CCDC171: variants seen among roughly 807,000 people sequenced by gnomAD.
CCDC171 encodes the protein coiled-coil domain containing 171.
In CCDC171, 177 loss-of-function variants were observed where a neutral mutation model predicts 168.2. That is an observed-to-expected ratio of 1.05 (90% confidence interval 0.93 to 1.19). CCDC171 has a LOEUF of 1.19. Ranked by LOEUF, CCDC171 falls within the 50% of genes most tolerant of loss-of-function variation. The probability of loss-of-function intolerance (pLI) is 0.00; values close to 1 mark genes in which losing one functional copy is unlikely to be tolerated. For synonymous variants in CCDC171, 687 were observed against 540.8 expected, an observed-to-expected ratio of 1.27 and a Z score of -3.75; for missense variants, 1,991 against 1,539.0, an observed-to-expected ratio of 1.29 and a Z score of -4.91.
chr9:16,047,741 C>A (rs1833683513), intron 1 of CCDC171, among the ~76,000 whole-genome samples: 1 of 152,240 alleles, frequency 6.6e-6, no homozygotes, highest in African/African-American at 2.4e-5. Context: ...TCAACGTCTG[C>A]TTCCTCAATT....
chr9:15,978,240 T>G (rs1309454441), downstream of CCDC171, among the ~76,000 whole-genome samples: 1 of 152,196 alleles, frequency 6.6e-6, no homozygotes, highest in East Asian at 1.9e-4. Flanking sequence ...GGAGTATTAG[T>G]CTAAATATGT....
At chr9:15,828,665 G>A (rs1288253239) in intron 21 of CCDC171, among the ~76,000 whole-genome samples, 1 of 152,102 alleles carries the variant, frequency 6.6e-6, no homozygotes, top group African/African-American at 2.4e-5. Context: ...ACAGAAGCCT[G>A]CATATTATGT....
At chr9:15,619,684 A>G (rs2044357095) in intron 6 of CCDC171, among the ~76,000 whole-genome samples, 1 of 152,210 alleles carries the variant, frequency 6.6e-6, no homozygotes. Context: ...AGCTAAAATA[A>G]TCGATGAAGG....
intron 21 of CCDC171, among the ~76,000 whole-genome samples, chr9:15,803,736 C>G (rs148806828): frequency 2.3e-4 from 31 of 133,378 alleles, no homozygotes; most frequent in African/African-American, 8.7e-4. Context: ...TTAGGACTGC[C>G]TAGGCTATTT....
At chr9:15,572,215 A>C (rs2040284812) in intron 3 of CCDC171, among the ~76,000 whole-genome samples, 1 of 152,138 alleles carries the variant, frequency 6.6e-6, no homozygotes, top group Admixed American at 6.5e-5. Context: ...GTGTGTATAT[A>C]TATTTCATAT....
chr9:15,779,868 A>G (rs368919346), intron 20 of CCDC171, among the ~76,000 whole-genome samples: 4 of 152,262 alleles, frequency 2.6e-5, no homozygotes, highest in East Asian at 1.9e-4. Flanking sequence ...GAAGCACAAT[A>G]TAATGCAGAC....
At chr9:16,096,179 G>C in the CCDC171 span, among the ~76,000 whole-genome samples, 1 of 152,056 alleles carries the variant, frequency 6.6e-6, no homozygotes, top group African/African-American at 2.4e-5. Flanking sequence ...TATTAAATGA[G>C]AACATTGATT....
rs140674481 is a variant in CCDC171, at chr9:15,588,868, C to T, written c.353-2498C>T. On this transcript the variant is annotated intron_variant, in intron 4 of 25. Coordinates refer to ENST00000380701, the MANE Select transcript of CCDC171 (RefSeq NM_173550.4). The stretch of plus-strand genomic sequence containing the variant: ...GACTACAGGTGCCCGCCACCACGCC[C>T]GGCTAATTTTTTGTATTTGTTTTGG... 1.6e-3 allele frequency among the ~76,000 whole-genome samples: 248 copies of T among 151,840 alleles called. 1 individual carries two copies. Among genetic ancestry groups the T allele is most frequent in the African/African-American group, 4.9e-3 (204 of 41,324 alleles).
intron 6 of CCDC171, 84 bp downstream of exon 6, chr9:15,594,256 G>A (rs188467004): frequency 1.9e-5 from 14 of 750,820 alleles, no homozygotes; most frequent in East Asian, 9.4e-5. Context: ...TAACTGACTC[G>A]CTCAAAGGGA....
chr9:15,755,641 A>G (rs1174138491), intron 18 of CCDC171, among the ~76,000 whole-genome samples: 1 of 152,236 alleles, frequency 6.6e-6, no homozygotes, highest in Non-Finnish European at 1.5e-5. Flanking sequence ...GTACTGCTAC[A>G]TGCTATAATG....
At chr9:15,643,368 T>G (rs372825054) in intron 7 of CCDC171, among the ~76,000 whole-genome samples, 1 of 152,160 alleles carries the variant, frequency 6.6e-6, no homozygotes, top group African/African-American at 2.4e-5. Flanking sequence ...CTCATTCTGG[T>G]GTGGGCTAAA....
At chr9:15,874,810 A>G (rs1817635984) in intron 24 of CCDC171, 147 bp downstream of exon 24, 1 of 734,500 alleles carries the variant, frequency 1.4e-6, no homozygotes, top group Non-Finnish European at 2.0e-6. Flanking sequence ...ATCATGTAAC[A>G]GTATACTTTA....
intron 16 of CCDC171, among the ~76,000 whole-genome samples, chr9:15,738,173 G>T (rs766503534): frequency 6.6e-6 from 1 of 152,108 alleles, no homozygotes. Context: ...TGATACAAAA[G>T]AATTTTACTC....
intron 24 of CCDC171, among the ~76,000 whole-genome samples, chr9:15,910,968 C>G (rs191469884): frequency 2.0e-5 from 3 of 152,076 alleles, no homozygotes; most frequent in Non-Finnish European, 4.4e-5. Flanking sequence ...GGGTTGGTTC[C>G]GAGTCTTTGC....
intron 25 of CCDC171, among the ~76,000 whole-genome samples, chr9:15,932,880 G>A (rs1826694473): frequency 1.3e-5 from 2 of 151,902 alleles, no homozygotes; most frequent in Admixed American, 1.3e-4. Flanking sequence ...TTATGTTAAT[G>A]TGGTATATCA....
At chr9:15,675,063 A>T (rs1043024101) in intron 9 of CCDC171, among the ~76,000 whole-genome samples, 22 of 151,736 alleles carry the variant, frequency 1.4e-4, no homozygotes, top group Admixed American at 3.9e-4. Context: ...GCGAATATAT[A>T]TTTAGGACAG....
intron 3 of CCDC171, among the ~76,000 whole-genome samples, chr9:15,999,417 A>G (rs1429412261): frequency 7.4e-6 from 1 of 135,092 alleles, no homozygotes; most frequent in African/African-American, 2.7e-5. Context: ...GAAAGCAAAC[A>G]GGGAGGGAGG....
At chr9:15,579,429 T>G (rs1274150688) in intron 4 of CCDC171, among the ~76,000 whole-genome samples, 1 of 152,218 alleles carries the variant, frequency 6.6e-6, no homozygotes, top group Admixed American at 6.5e-5. Flanking sequence ...CCTCTTTCAT[T>G]GATTTTGCCA....
At chr9:15,674,952 C>T (rs2049410502) in intron 9 of CCDC171, among the ~76,000 whole-genome samples, 1 of 152,050 alleles carries the variant, frequency 6.6e-6, no homozygotes, top group South Asian at 2.1e-4. Flanking sequence ...CTAATATTGA[C>T]AGTGGGGTTT....
Sources: allele counts gnomAD v4.1 joint callset (sites outside exome capture counted in the v4.1 genomes callset), GRCh38; gene constraint gnomAD v4.1.1; transcripts MANE v1.5; gene names NCBI Gene and HGNC (gene_info 2026-07-23, HGNC 2026-07-21).